The following FAM53A variants were observed in gnomAD, a reference collection of about 807,000 sequenced individuals.
FAM53A encodes family with sequence similarity 53 member A, also known as protein FAM53A.
In FAM53A, 28 loss-of-function variants were observed where a neutral mutation model predicts 26.6. That is an observed-to-expected ratio of 1.05 (90% CI 0.78 to 1.45). FAM53A has a LOEUF of 1.45. Among genes scored for constraint, FAM53A ranks in the 40% most tolerant of loss-of-function variants. The pLI, the probability that FAM53A is intolerant of heterozygous loss-of-function variation, is 0.00. For missense variants in FAM53A, 650 were observed against 575.8 expected, an observed-to-expected ratio of 1.13 and a Z score of -1.32; for synonymous variants, 290 against 253.1, an observed-to-expected ratio of 1.15 and a Z score of -1.38.
chr4:1,589,758 T>C, the FAM53A span, among the ~76,000 whole-genome samples: 2 of 152,206 alleles, frequency 1.3e-5, no homozygotes, highest in African/African-American at 4.8e-5. Flanking sequence ...GCCATTATTT[T>C]CCATTTTTAT....
chr4:1,666,121 C>T (rs1352992813), intron 2 of FAM53A, among the ~76,000 whole-genome samples: 1 of 121,848 alleles, frequency 8.2e-6, no homozygotes, highest in Non-Finnish European at 1.7e-5. Context: ...CCTGCACCTG[C>T]ACCCCTGTAT....
At chr4:1,602,256 GC>G in the FAM53A span, among the ~76,000 whole-genome samples, 1 of 152,228 alleles carries the variant, frequency 6.6e-6, no homozygotes, top group Admixed American at 6.5e-5. Context: ...GGGGAGCTGG[GC>G]CCCCACCTCC....
At chr4:1,614,852 C>T (rs145517073), downstream of FAM53A, among the ~76,000 whole-genome samples, 531 of 152,284 alleles carry the variant, frequency 3.5e-3, 2 homozygotes, top group African/African-American at 0.012. Flanking sequence ...AGAGGCAGGT[C>T]GCCCCACACG....
At chr4:1,583,317 T>C in the FAM53A span, among the ~76,000 whole-genome samples, 17 of 152,130 alleles carry the variant, frequency 1.1e-4, no homozygotes, top group Admixed American at 1.0e-3. Flanking sequence ...GGGTCCCAGG[T>C]CTGCCCCATG....
At chr4:1,607,094 C>T in the FAM53A span, among the ~76,000 whole-genome samples, 483 of 152,360 alleles carry the variant, frequency 3.2e-3, 3 homozygotes, top group African/African-American at 0.011. Context: ...TCTCAGCTCA[C>T]TGCAACCTCT....
At chr4:1,646,237 A>T (rs2108837277) in intron 4 of FAM53A, among the ~76,000 whole-genome samples, 1 of 152,126 alleles carries the variant, frequency 6.6e-6, no homozygotes, top group African/African-American at 2.4e-5. Context: ...AGTAGCTGGG[A>T]ATACAGGCGT....
the FAM53A span, among the ~76,000 whole-genome samples, chr4:1,592,929 G>A: frequency 6.6e-6 from 1 of 151,920 alleles, no homozygotes; most frequent in African/African-American, 2.4e-5. Context: ...TGCGGGGCCC[G>A]GGGCCGCTCA....
intron 1 of FAM53A, among the ~76,000 whole-genome samples, chr4:1,674,776 C>A (rs780231197): frequency 6.6e-6 from 1 of 152,172 alleles, no homozygotes; most frequent in African/African-American, 2.4e-5. Context: ...CTGGGGGATG[C>A]GATTCCACAC....
intron 1 of FAM53A, among the ~76,000 whole-genome samples, chr4:1,670,681 G>A (rs1293948185): frequency 1.3e-5 from 2 of 152,120 alleles, no homozygotes; most frequent in Non-Finnish European, 2.9e-5. Context: ...GAGGGGTGTC[G>A]TGCACTGGGC....
At chr4:1,617,645 C>G (rs77301339), downstream of FAM53A, among the ~76,000 whole-genome samples, 987 of 152,336 alleles carry the variant, frequency 6.5e-3, 5 homozygotes, top group African/African-American at 0.023. Flanking sequence ...AAGGTTTCTT[C>G]TTTCACTGTT....
intron 4 of FAM53A, among the ~76,000 whole-genome samples, chr4:1,653,082 A>G (rs1433146412): frequency 1.5e-5 from 2 of 137,876 alleles, no homozygotes; most frequent in Non-Finnish European, 3.3e-5. Context: ...TACACATCAC[A>G]CACCACATAC....
chr4:1,648,053 G>C (rs149936478), intron 4 of FAM53A, among the ~76,000 whole-genome samples: 81 of 152,208 alleles, frequency 5.3e-4, no homozygotes, highest in African/African-American at 1.9e-3. Flanking sequence ...TTAAAAAATT[G>C]AGAATATTAG....
the FAM53A span, among the ~76,000 whole-genome samples, chr4:1,604,972 T>C: frequency 2.0e-5 from 3 of 151,590 alleles, no homozygotes; most frequent in Non-Finnish European, 4.4e-5. Flanking sequence ...GGCCTCCACA[T>C]CTCCTGCTTG....
the FAM53A span, among the ~76,000 whole-genome samples, chr4:1,585,680 C>T: frequency 1.3e-5 from 2 of 152,162 alleles, no homozygotes; most frequent in Admixed American, 1.3e-4. Flanking sequence ...GCTTATTTTG[C>T]TGAACATAAG....
the FAM53A span, among the ~76,000 whole-genome samples, chr4:1,593,907 C>T: frequency 6.6e-6 from 1 of 152,166 alleles, no homozygotes. Flanking sequence ...ACACAAAGGA[C>T]GGGGCAGGGT....
intron 4 of FAM53A, 37 bp from the exon 5 acceptor site, chr4:1,641,644 G>A (rs1711734021): frequency 6.2e-7 from 1 of 1,607,266 alleles, no homozygotes; most frequent in South Asian, 1.1e-5. Context: ...AGCATTTCTA[G>A]CAGATCACAC....
At chr4:1,653,094 CCA>C (rs141744545) in intron 4 of FAM53A, among the ~76,000 whole-genome samples, 39,499 of 151,288 alleles carry the variant, frequency 0.26, 5,973 homozygotes, top group South Asian at 0.41. Flanking sequence ...ACCACATACA[CCA>C]CACAGAGCAC....
intron 2 of FAM53A, among the ~76,000 whole-genome samples, chr4:1,666,222 C>T (rs1420678743): frequency 7.3e-6 from 1 of 137,652 alleles, no homozygotes; most frequent in Non-Finnish European, 1.6e-5. Context: ...GCACCTGCAC[C>T]CCCTGTATCT....
the FAM53A span, among the ~76,000 whole-genome samples, chr4:1,594,309 G>A: frequency 3.3e-5 from 5 of 152,198 alleles, no homozygotes; most frequent in African/African-American, 1.2e-4. Flanking sequence ...GAAGGGGAGG[G>A]ACCCAGCACC....
Sources: allele counts gnomAD v4.1 joint callset (sites outside exome capture counted in the v4.1 genomes callset), GRCh38; gene constraint gnomAD v4.1.1; transcripts MANE v1.5; gene names NCBI Gene and HGNC (gene_info 2026-07-23, HGNC 2026-07-21).